The following KCNH1 variants were observed in gnomAD, a reference collection of about 807,000 sequenced individuals.
The protein encoded by KCNH1 is voltage-gated delayed rectifier potassium channel KCNH1.
Under a neutral mutation model 69.2 loss-of-function variants are expected in KCNH1, and 27 were observed. The observed-to-expected ratio is 0.39, with a 90% CI of 0.29 to 0.54. The LOEUF is 0.54. Ranked by LOEUF, KCNH1 falls within the 20% of genes least tolerant of loss-of-function variation. The pLI is 0.68. For synonymous variants in KCNH1, 456 were observed against 487.7 expected, an observed-to-expected ratio of 0.93 and a Z score of 0.86; for missense variants, 798 against 1,261.6, an observed-to-expected ratio of 0.63 and a Z score of 5.57.
intron 6 of KCNH1, among the ~76,000 whole-genome samples, chr1:210,983,114 GTTGT>G (rs199705332): frequency 0.32 from 49,099 of 151,174 alleles, 8,162 homozygotes; most frequent in Non-Finnish European, 0.37. Context: ...TTTTGATGGG[GTTGT>G]TTGTTTTTTT....
intron 7 of KCNH1, among the ~76,000 whole-genome samples, chr1:210,905,595 T>A (rs1474084573): frequency 6.6e-6 from 1 of 151,810 alleles, no homozygotes; most frequent in African/African-American, 2.4e-5. Context: ...AATAAATTGC[T>A]CACATTGACA....
intron 7 of KCNH1, among the ~76,000 whole-genome samples, chr1:210,883,841 A>AT (rs1198102582): frequency 1.3e-5 from 2 of 152,228 alleles, no homozygotes; most frequent in Non-Finnish European, 2.9e-5. Flanking sequence ...GAAATACAAG[A>AT]TGTTCAACAG....
rs139603756 is a variant in KCNH1 at position 210,687,364 on chromosome 1, G to A, written c.2113-3226C>T. On this transcript the variant is annotated intron_variant, in intron 10 of 10. Transcript: ENST00000271751. ...CAGGTGTTCTGACTGAGTGGTCGAC[G>A]TGGGCAGTTCAGACACTCAATGACA... Among the ~76,000 whole-genome samples the A allele has an allele frequency of 3.0e-3, 463 of 152,346 alleles. 11 individuals carry two copies. Among genetic ancestry groups the A allele is most frequent in the Admixed American group, 0.025 (384 of 15,300 alleles).
chr1:210,912,623 T>C (rs930716997), intron 7 of KCNH1, among the ~76,000 whole-genome samples: 1 of 152,200 alleles, frequency 6.6e-6, no homozygotes, highest in Non-Finnish European at 1.5e-5. Flanking sequence ...GAGAGAGTTA[T>C]CATTGTTTAA....
At chr1:211,002,866 C>T (rs565195159) in intron 6 of KCNH1, among the ~76,000 whole-genome samples, 30 of 151,950 alleles carry the variant, frequency 2.0e-4, no homozygotes, top group Non-Finnish European at 3.7e-4. Flanking sequence ...CTTGGAATTC[C>T]GGAGCAAAGA....
chr1:211,024,377 T>C (rs1318104498), intron 5 of KCNH1, among the ~76,000 whole-genome samples: 1 of 152,156 alleles, frequency 6.6e-6, no homozygotes, highest in Non-Finnish European at 1.5e-5. Flanking sequence ...AGGGCGTAAC[T>C]GGCATAATAA....
chr1:210,754,985 C>T (rs778185329), intron 10 of KCNH1, among the ~76,000 whole-genome samples: 20 of 152,148 alleles, frequency 1.3e-4, no homozygotes, highest in Non-Finnish European at 2.2e-4. Context: ...TGGGAGCATG[C>T]ATGCACATGT....
At chr1:210,981,372 C>CAAAAAAAAAAAAAAAAAAAAAAA (rs10684074) in intron 6 of KCNH1, among the ~76,000 whole-genome samples, 2 of 85,482 alleles carry the variant, frequency 2.3e-5, no homozygotes, top group African/African-American at 4.8e-5. Flanking sequence ...GTAACAACGA[C>CAAAAAAAAAAAAAAAAAAAAAAA]AAAAAAAAAA....
chr1:210,688,734 A>AT (rs1681460978), intron 10 of KCNH1, among the ~76,000 whole-genome samples: 1 of 152,148 alleles, frequency 6.6e-6, no homozygotes, highest in African/African-American at 2.4e-5. Flanking sequence ...TGAGATAAAC[A>AT]TTTTTGCAAT....
chr1:211,066,915 C>T (rs1283710600), intron 5 of KCNH1, among the ~76,000 whole-genome samples: 1 of 152,124 alleles, frequency 6.6e-6, no homozygotes, highest in Non-Finnish European at 1.5e-5. Context: ...GAATACCCAC[C>T]CCCCAGGACA....
At chr1:211,062,679 C>T (rs1310365744) in intron 5 of KCNH1, among the ~76,000 whole-genome samples, 1 of 152,106 alleles carries the variant, frequency 6.6e-6, no homozygotes, top group Non-Finnish European at 1.5e-5. Context: ...CAAAAGACGA[C>T]ATACAAATGG....
At chr1:210,710,757 A>C (rs1414265970) in intron 10 of KCNH1, among the ~76,000 whole-genome samples, 2 of 133,030 alleles carry the variant, frequency 1.5e-5, no homozygotes, top group East Asian at 4.5e-4. Flanking sequence ...TCCTTTTACC[A>C]CACCCGCTGC....
intron 9 of KCNH1, among the ~76,000 whole-genome samples, chr1:210,794,258 A>C (rs1684263371): frequency 6.6e-6 from 1 of 152,212 alleles, no homozygotes; most frequent in Non-Finnish European, 1.5e-5. Context: ...TTAGAGAATA[A>C]GAGCCCCATG....
intron 6 of KCNH1, among the ~76,000 whole-genome samples, chr1:210,999,782 C>G (rs1378966281): frequency 6.6e-6 from 1 of 152,150 alleles, no homozygotes; most frequent in Non-Finnish European, 1.5e-5. Context: ...ACTGGCAAAC[C>G]AAATCCAGCA....
At chr1:210,977,062 T>C (rs1688626489) in intron 6 of KCNH1, among the ~76,000 whole-genome samples, 1 of 152,104 alleles carries the variant, frequency 6.6e-6, no homozygotes, top group African/African-American at 2.4e-5. Context: ...AACCCAAATG[T>C]CCAAAAATGA....
intron 10 of KCNH1, among the ~76,000 whole-genome samples, chr1:210,716,277 C>T (rs1682244594): frequency 6.6e-6 from 1 of 151,730 alleles, no homozygotes; most frequent in South Asian, 2.1e-4. Flanking sequence ...ACTAAAAATA[C>T]AAAAATTAGC....
chr1:211,052,506 C>T (rs1690226024), intron 5 of KCNH1, among the ~76,000 whole-genome samples: 1 of 152,176 alleles, frequency 6.6e-6, no homozygotes, highest in Non-Finnish European at 1.5e-5. Flanking sequence ...TTCTCCAAAG[C>T]CACAGATCCA....
At chr1:210,805,684 C>T (rs1428859597) in intron 7 of KCNH1, among the ~76,000 whole-genome samples, 1 of 152,170 alleles carries the variant, frequency 6.6e-6, no homozygotes, top group African/African-American at 2.4e-5. Context: ...GTAACCATCA[C>T]CGCAATCTAA....
At chr1:210,990,121 T>G (rs1023896090) in intron 6 of KCNH1, among the ~76,000 whole-genome samples, 1 of 152,234 alleles carries the variant, frequency 6.6e-6, no homozygotes, top group African/African-American at 2.4e-5. Flanking sequence ...ATTTAGCTAA[T>G]GCAGACCTGT....
Sources: gnomAD v4.1 joint callset for allele counts (sites outside exome capture counted in the v4.1 genomes callset) on GRCh38, gnomAD v4.1.1 for gene constraint, MANE v1.5 for transcripts, NCBI Gene and HGNC (gene_info 2026-07-23, HGNC 2026-07-21) for gene names.